PSEN2: variants seen among roughly 807,000 people sequenced by gnomAD.
PSEN2 encodes the protein presenilin 2.
PSEN2 carries 32 observed loss-of-function variants against 49.1 expected under a neutral mutation model. The ratio of observed to expected loss-of-function variants is 0.65; its 90% CI spans 0.49 to 0.88. The LOEUF (loss-of-function observed/expected upper bound fraction) is 0.88, where lower values mean the gene tolerates loss of function less well. Ranked by LOEUF, PSEN2 falls within the 40% of genes least tolerant of loss-of-function variation. The probability of loss-of-function intolerance (pLI) is 0.00; values close to 1 mark genes in which losing one functional copy is unlikely to be tolerated. For synonymous variants in PSEN2, 255 were observed against 244.0 expected (o/e 1.05, Z -0.42); for missense variants, 522 against 586.9 (o/e 0.89, Z 1.14).
chr1:226,872,885 G>C (rs368237778), intron 2 of PSEN2, among the ~76,000 whole-genome samples: 1 of 152,184 alleles, frequency 6.6e-6, no homozygotes, highest in African/African-American at 2.4e-5. Context: ...CTGGAGAAAA[G>C]AATGATTTCA....
At chr1:226,876,580 T>A (rs910937869) in intron 3 of PSEN2, among the ~76,000 whole-genome samples, 1 of 152,238 alleles carries the variant, frequency 6.6e-6, no homozygotes, top group Non-Finnish European at 1.5e-5. Context: ...AAAACCACTC[T>A]TGGTTCTACC....
rs201114015 is a variant in PSEN2 at position 226,895,955 on chromosome 1, A to G, written c.*376A>G. 21 of 356,002 alleles carry G rather than the reference A, an allele frequency of 5.9e-5. No homozygotes were observed. The Middle Eastern group carries it at 3.5e-3, about 59-fold the overall frequency. The allele number at this position is 356,002 out of a possible 1,614,324, so 22.1% of individuals were successfully genotyped here. A position where few individuals can be genotyped will look rare whatever the true frequency, so the allele number is the denominator to read the frequency against. On this transcript the variant is annotated 3_prime_UTR_variant, in exon 13 of 13. Coordinates refer to ENST00000366783, the MANE Select transcript of PSEN2 (RefSeq NM_000447.3). ...GCTGGAGAGGAAAAGCCAGTTCCCT[A>G]CGAGGAGTGTTCCCAATGCTTTGTC...
chr1:226,878,015 C>T (rs1660743549), intron 3 of PSEN2, among the ~76,000 whole-genome samples: 1 of 152,180 alleles, frequency 6.6e-6, no homozygotes, highest in South Asian at 2.1e-4. Context: ...ACAACTATCA[C>T]AGATGTCAGG....
At position 226,888,881 on chromosome 1, in the gene PSEN2, A is replaced by T. The variant is rs1661546131; in HGVS notation, c.619A>T (p.Thr207Ser). The T allele has an allele frequency of 1.2e-6, 2 of 1,614,048 alleles. No homozygotes were observed. The highest frequency in any genetic ancestry group is 2.7e-5 in the African/African-American group (2 of 74,916). Residue 207 changes from threonine (T) to serine (S), a missense_variant, in exon 8 of 13, where the codon ACT becomes TCT. Coordinates refer to ENST00000366783, the MANE Select transcript of PSEN2 (RefSeq NM_000447.3). The part of the protein sequence containing the change: ...VAMDYPTLLL[T>S]VWNFGAVGMV... ...CATGGACTACCCCACCCTCTTGCTG[A>T]CTGTCTGGAACTTCGGGGCAGTGGG...
chr1:226,874,270 C>T lies in PSEN2; in HGVS notation c.-206-1095C>T, dbSNP rs1411102010. Among the ~76,000 whole-genome samples the T allele has an allele frequency of 2.0e-5, 3 of 152,288 alleles. No homozygotes were observed. In the South Asian group the frequency reaches 6.2e-4, roughly 32 times the overall value. On this transcript the variant is annotated intron_variant, in intron 2 of 12. Transcript: ENST00000366783. ...GGTACGTGACCCTCACAAGTGCTGA[C>T]TGGGCTGAGAAGAGCTCCTTGATGG...
chr1:226,883,003 G>A (rs1454299748), intron 4 of PSEN2, among the ~76,000 whole-genome samples: 1 of 152,204 alleles, frequency 6.6e-6, no homozygotes, highest in African/African-American at 2.4e-5. Flanking sequence ...TCATTAGCAA[G>A]GCAGCCCATG....
chr1:226,872,396 A>G (rs995898310), intron 2 of PSEN2, among the ~76,000 whole-genome samples: 1 of 152,258 alleles, frequency 6.6e-6, no homozygotes, highest in African/African-American at 2.4e-5. Flanking sequence ...ACAGAAGAGG[A>G]AACAAGTTCA....
intron 12 of PSEN2, among the ~76,000 whole-genome samples, chr1:226,902,429 G>A (rs1355101445): frequency 6.6e-6 from 1 of 152,122 alleles, no homozygotes; most frequent in Non-Finnish European, 1.5e-5. Flanking sequence ...GGTGTTCTGG[G>A]AATGGGGAGG....
Position 226,894,125 on chromosome 1 carries a change from T to G in PSEN2, c.1191T>G (p.Ile397Met). Residue 397 changes from isoleucine (I) to methionine (M), a missense_variant and splice_region_variant, in exon 12 of 13, where the codon ATT (isoleucine) becomes ATG (methionine). By Grantham distance (10) the Ile-to-Met change is conservative. Transcript: ENST00000366783. ...TTLACFVAIL[I>M]GLCLTLLLLA... The stretch of plus-strand genomic sequence containing the variant: ...TGGCCTGCTTCGTGGCCATCCTCAT[T>G]GTGAGTGGCTGGGGATGCGTCCAGC... 1 of 1,613,116 alleles carries G rather than the reference T, an allele frequency of 6.2e-7. No homozygotes were observed. The highest frequency in any genetic ancestry group is 8.5e-7 in the Non-Finnish European group (1 of 1,179,186).
Position 226,888,142 on chromosome 1 carries a change from A to C in PSEN2, c.550A>C (p.Thr184Pro). 1 of 1,612,918 alleles carries C rather than the reference A, an allele frequency of 6.2e-7. No individual in the cohort carries two copies. The highest frequency in any genetic ancestry group is 2.2e-5 in the East Asian group (1 of 44,860). ...MSSLMLLFLF[T>P]YIYLGEVLKT... ...TTCACTGATGCTGCTGTTCCTCTTCACCTATATCTACCTTGGGTAAGTGAC... is the reference window on the plus strand; with the variant it reads ...TTCACTGATGCTGCTGTTCCTCTTCCCCTATATCTACCTTGGGTAAGTGAC... The change falls in exon 7 of 13, where the codon ACC (threonine) becomes CCC (proline). Residue 184 changes from threonine (T) to proline (P), a missense_variant. Thr to Pro is a conservative substitution (Grantham distance 38, BLOSUM62 -1). Transcript: ENST00000366783.
chr1:226,900,730 C>A (rs1462974804), downstream of PSEN2, among the ~76,000 whole-genome samples: 4 of 152,144 alleles, frequency 2.6e-5, no homozygotes, highest in Admixed American at 6.5e-5. Flanking sequence ...CTTGTCAGTA[C>A]ATGTGACTAA....
intron 5 of PSEN2, among the ~76,000 whole-genome samples, chr1:226,884,985 C>T (rs547385828): frequency 6.6e-4 from 101 of 152,200 alleles, no homozygotes; most frequent in African/African-American, 2.2e-3. Flanking sequence ...GGGGATTCAG[C>T]GCAGAACAGG....
chr1:226,884,722 T>G (rs1486322036), intron 5 of PSEN2: 2 of 151,854 alleles, frequency 1.3e-5, no homozygotes, highest in East Asian at 3.9e-4. Flanking sequence ...GAGACCAGCC[T>G]GGGAAATGTG....
At chr1:226,890,458 T>C (rs897319008) in intron 9 of PSEN2, 42 of 366,708 alleles carry the variant, frequency 1.1e-4, no homozygotes, top group South Asian at 9.5e-4. Context: ...GAAGGGACTT[T>C]GGAGAGGGAT....
chr1:226,890,510 T>G, intron 9 of PSEN2: 1 of 322,228 alleles, frequency 3.1e-6, no homozygotes, highest in South Asian at 2.8e-5. Context: ...CTTCTGGGCT[T>G]CCTTGACAGC....
intron 3 of PSEN2, among the ~76,000 whole-genome samples, chr1:226,878,823 C>T (rs1660797202): frequency 6.6e-6 from 1 of 152,188 alleles, no homozygotes; most frequent in African/African-American, 2.4e-5. Flanking sequence ...GTATCTCATC[C>T]AGCACACTGC....
intron 12 of PSEN2, among the ~76,000 whole-genome samples, chr1:226,894,641 C>T (rs544341324): frequency 5.3e-5 from 8 of 152,222 alleles, no homozygotes; most frequent in East Asian, 3.9e-4. Flanking sequence ...AGTCAGTTAA[C>T]GTGACCAGAT....
chr1:226,902,654 C>T (rs1009865700), intron 12 of PSEN2, among the ~76,000 whole-genome samples: 3 of 152,288 alleles, frequency 2.0e-5, no homozygotes, highest in Admixed American at 2.0e-4. Context: ...GGTAGGTCCC[C>T]AAGCAGAGAG....
chr1:226,888,239 G>A (rs954519581), intron 7 of PSEN2, 81 bp downstream of exon 7: 22 of 1,288,406 alleles, frequency 1.7e-5, no homozygotes, highest in Middle Eastern at 2.2e-4. Flanking sequence ...GGACCTGGGC[G>A]GGGAAAGATG....
Sources: gnomAD v4.1 joint callset for allele counts (sites outside exome capture counted in the v4.1 genomes callset) on GRCh38, gnomAD v4.1.1 for gene constraint, MANE v1.5 for transcripts, NCBI Gene and HGNC (gene_info 2026-07-23, HGNC 2026-07-21) for gene names.